The following FSTL4 variants were observed in gnomAD, a reference collection of about 807,000 sequenced individuals.
FSTL4 encodes the protein follistatin like 4.
In FSTL4, 28 loss-of-function variants were observed where a neutral mutation model predicts 78.2. The ratio of observed to expected loss-of-function variants is 0.36; its 90% CI spans 0.27 to 0.49. The LOEUF is 0.49. FSTL4 is among the 20% of genes least tolerant of loss of function. The probability of loss-of-function intolerance (pLI) is 0.98; values close to 1 mark genes in which losing one functional copy is unlikely to be tolerated. For missense variants in FSTL4, 922 were observed against 1,084.9 expected (o/e 0.85, Z 2.11); for synonymous variants, 422 against 440.5 (o/e 0.96, Z 0.53).
intron 6 of FSTL4, among the ~76,000 whole-genome samples, chr5:133,283,570 C>T (rs994629949): frequency 6.6e-6 from 1 of 152,164 alleles, no homozygotes; most frequent in Non-Finnish European, 1.5e-5. Flanking sequence ...CCTGGGGCAG[C>T]AGATCCCCAG....
chr5:133,383,197 C>T (rs1262893794), intron 4 of FSTL4, among the ~76,000 whole-genome samples: 1 of 152,202 alleles, frequency 6.6e-6, no homozygotes, highest in Non-Finnish European at 1.5e-5. Context: ...GCACTTCCTC[C>T]TGGCCATTCC....
chr5:133,402,856 G>A (rs1756267120), intron 3 of FSTL4, among the ~76,000 whole-genome samples: 1 of 152,204 alleles, frequency 6.6e-6, no homozygotes, highest in Admixed American at 6.5e-5. Flanking sequence ...TTTGCTAATT[G>A]TTCGCATGTC....
chr5:133,699,061 C>A, the FSTL4 span, among the ~76,000 whole-genome samples: 44 of 152,062 alleles, frequency 2.9e-4, no homozygotes, highest in Non-Finnish European at 4.7e-4. Context: ...CAATGGTGTC[C>A]TGGAGGTCAG....
chr5:133,540,519 G>A (rs989121070), intron 3 of FSTL4, among the ~76,000 whole-genome samples: 7 of 151,770 alleles, frequency 4.6e-5, no homozygotes, highest in Non-Finnish European at 4.4e-5. Context: ...TATTTCTGAG[G>A]TTTTTAACAA....
At chr5:133,408,304 G>A (rs1004227064) in intron 3 of FSTL4, among the ~76,000 whole-genome samples, 3 of 152,182 alleles carry the variant, frequency 2.0e-5, no homozygotes, top group African/African-American at 7.2e-5. Context: ...AGTAACCAAC[G>A]TCACCTGAGG....
At chr5:133,661,956 G>C in the FSTL4 span, among the ~76,000 whole-genome samples, 1 of 152,166 alleles carries the variant, frequency 6.6e-6, no homozygotes, top group Non-Finnish European at 1.5e-5. Context: ...TATCAGAGAA[G>C]CATATGCACA....
the FSTL4 span, among the ~76,000 whole-genome samples, chr5:133,624,157 C>G: frequency 1.1e-4 from 16 of 151,874 alleles, no homozygotes; most frequent in Non-Finnish European, 1.6e-4. Context: ...TGAATGTTCG[C>G]AGCAGCAATA....
intron 13 of FSTL4, among the ~76,000 whole-genome samples, chr5:133,213,910 C>A (rs963793456): frequency 2.0e-5 from 3 of 152,020 alleles, no homozygotes; most frequent in African/African-American, 7.2e-5. Context: ...AAGGAGGGAA[C>A]AATTATACCA....
intron 6 of FSTL4, among the ~76,000 whole-genome samples, chr5:133,280,120 T>C (rs983786850): frequency 3.3e-5 from 5 of 152,206 alleles, no homozygotes; most frequent in African/African-American, 1.2e-4. Flanking sequence ...CACCATGTGA[T>C]CATCTCTCAT....
intron 4 of FSTL4, among the ~76,000 whole-genome samples, chr5:133,383,631 A>G (rs539270766): frequency 7.2e-4 from 110 of 152,264 alleles, no homozygotes; most frequent in African/African-American, 2.6e-3. Context: ...GGGACACCTC[A>G]AACATTTGCT....
At chr5:133,659,878 C>T in the FSTL4 span, among the ~76,000 whole-genome samples, 1 of 151,378 alleles carries the variant, frequency 6.6e-6, no homozygotes, top group African/African-American at 2.4e-5. Context: ...GAGAAATAGA[C>T]AAAAACAAGC....
chr5:133,575,593 G>A (rs562909638), intron 2 of FSTL4, among the ~76,000 whole-genome samples: 2 of 152,228 alleles, frequency 1.3e-5, no homozygotes, highest in African/African-American at 4.8e-5. Flanking sequence ...TGAGTTCAAC[G>A]GCTTCCTCAA....
At chr5:133,652,906 C>T in the FSTL4 span, among the ~76,000 whole-genome samples, 4 of 151,964 alleles carry the variant, frequency 2.6e-5, no homozygotes, top group Non-Finnish European at 5.9e-5. Flanking sequence ...GGTGTCTTGC[C>T]CACATTCCAT....
chr5:133,362,875 T>C (rs115761705), intron 4 of FSTL4, among the ~76,000 whole-genome samples: 5,622 of 152,358 alleles, frequency 0.037, 134 homozygotes, highest in Non-Finnish European at 0.052. Context: ...GCCTTTAACC[T>C]ATCTCCTTTT....
At chr5:133,641,660 G>GTA in the FSTL4 span, among the ~76,000 whole-genome samples, 1 of 152,082 alleles carries the variant, frequency 6.6e-6, no homozygotes, top group Non-Finnish European at 1.5e-5. Flanking sequence ...ATGGCTTTTA[G>GTA]TAGCAAAAAA....
intron 4 of FSTL4, among the ~76,000 whole-genome samples, chr5:133,358,662 C>T (rs1252266320): frequency 2.7e-5 from 4 of 146,078 alleles, no homozygotes; most frequent in Admixed American, 7.0e-5. Context: ...TGCAGTGGCG[C>T]GATCTCAGTT....
chr5:133,546,479 C>G (rs1210247788), intron 3 of FSTL4, among the ~76,000 whole-genome samples: 1 of 139,920 alleles, frequency 7.1e-6, no homozygotes, highest in Non-Finnish European at 1.5e-5. Context: ...GCACTCCAGC[C>G]TGGCTGACAG....
In FSTL4 at chr5:133,507,583, C is replaced by G. The variant is rs916771910; in HGVS notation, c.160+59603G>C. ...CTGTCGCCAGGCTGGAGTGCAGTGG[C>G]ATGATCTCAGCTCACTGCAACCTCC... is the stretch of plus-strand genomic sequence containing the variant. On this transcript the variant is annotated intron_variant, in intron 3 of 15. Coordinates refer to ENST00000265342, the MANE Select transcript of FSTL4 (RefSeq NM_015082.2). Among the ~76,000 whole-genome samples, 16 of 149,274 alleles carry G rather than the reference C, an allele frequency of 1.1e-4. No individual in the cohort carries two copies. In the East Asian group the frequency reaches 3.0e-3, roughly 28 times the overall value.
chr5:133,255,533 C>T (rs559286485), intron 6 of FSTL4, among the ~76,000 whole-genome samples: 13 of 152,350 alleles, frequency 8.5e-5, no homozygotes, highest in East Asian at 7.7e-4. Context: ...AGCTAGGCTG[C>T]GTGTCCCACA....
Sources: allele counts gnomAD v4.1 joint callset (sites outside exome capture counted in the v4.1 genomes callset), GRCh38; gene constraint gnomAD v4.1.1; transcripts MANE v1.5; gene names NCBI Gene and HGNC (gene_info 2026-07-23, HGNC 2026-07-21).